Variants in ADAM18 observed in about 807,000 individuals in gnomAD.
ADAM18 encodes the protein ADAM metallopeptidase domain 18.
In ADAM18, 117 loss-of-function variants were observed where a neutral mutation model predicts 94.4. The ratio of observed to expected loss-of-function variants is 1.24; its 90% CI spans 1.07 to 1.45. The LOEUF is 1.45. Ranked by LOEUF, ADAM18 falls within the 40% of genes most tolerant of loss-of-function variation. The probability of loss-of-function intolerance (pLI) is 0.00; values close to 1 mark genes in which losing one functional copy is unlikely to be tolerated. For missense variants in ADAM18, 936 were observed against 880.0 expected (o/e 1.06, Z -0.81); for synonymous variants, 327 against 291.6 (o/e 1.12, Z -1.24).
chr8:39,712,512 T>G (rs566798141), intron 18 of ADAM18, among the ~76,000 whole-genome samples: 1 of 152,328 alleles, frequency 6.6e-6, no homozygotes, highest in Non-Finnish European at 1.5e-5. Flanking sequence ...TGTCCCTGTT[T>G]GCAGATGACA....
rs901570076 is a variant in ADAM18, at chr8:39,701,305, G to T, written c.1903-5485G>T. On this transcript the variant is annotated intron_variant, in intron 17 of 19. Transcript: ENST00000265707. ...TGTTCATTGTGGTGTATTTTTGCTT[G>T]TATTTGCTGATATATGTATTGTTCT... Among the ~76,000 whole-genome samples the T allele has an allele frequency of 2.7e-5, 4 of 150,692 alleles. No individual in the cohort carries two copies. In the South Asian group the frequency reaches 8.4e-4, roughly 32 times the overall value.
intron 18 of ADAM18, among the ~76,000 whole-genome samples, chr8:39,712,050 A>C (rs891650727): frequency 6.8e-6 from 1 of 147,592 alleles, no homozygotes; most frequent in Non-Finnish European, 1.5e-5. Flanking sequence ...CCGAGAAAAA[A>C]ACAGTGAAAG....
rs569878172 is a variant in ADAM18 at position 39,594,941 on chromosome 8, C to T, written c.132+9589C>T. Among the ~76,000 whole-genome samples the T allele has an allele frequency of 6.6e-5, 10 of 151,384 alleles. No homozygotes were observed. The East Asian group carries it at 9.7e-4, about 15-fold the overall frequency. Reference sequence around the variant, plus strand: ...TGAGTACCTTTTCAACTGTAGCCTCCGTCTCTATTTGGGATTCTAATGACA... The same window carrying T: ...TGAGTACCTTTTCAACTGTAGCCTCTGTCTCTATTTGGGATTCTAATGACA... On this transcript the variant is annotated intron_variant, in intron 2 of 19. Transcript: ENST00000265707.
chr8:39,646,870 A>G, intron 11 of ADAM18, among the ~76,000 whole-genome samples: 1 of 152,188 alleles, frequency 6.6e-6, no homozygotes, highest in East Asian at 1.9e-4. Context: ...AAAGTGCTGT[A>G]TAGAAAAATA....
intron 7 of ADAM18, among the ~76,000 whole-genome samples, chr8:39,632,839 A>G (rs1027475890): frequency 6.6e-6 from 1 of 152,198 alleles, no homozygotes; most frequent in Non-Finnish European, 1.5e-5. Flanking sequence ...CATATGATAT[A>G]CATAGGGAAG....
chr8:39,708,143 G>A (rs1456012579), intron 18 of ADAM18, among the ~76,000 whole-genome samples: 1 of 152,138 alleles, frequency 6.6e-6, no homozygotes, highest in East Asian at 1.9e-4. Flanking sequence ...CTTATGAATT[G>A]TTGATTTCTG....
intron 17 of ADAM18, among the ~76,000 whole-genome samples, chr8:39,698,704 C>T (rs1453919234): frequency 1.3e-5 from 2 of 152,020 alleles, no homozygotes; most frequent in African/African-American, 4.8e-5. Flanking sequence ...ACAAGAGAGG[C>T]TTTATAGTTT....
intron 17 of ADAM18, among the ~76,000 whole-genome samples, chr8:39,701,117 C>CA (rs71237188): frequency 0.12 from 4,274 of 34,324 alleles, 1,042 homozygotes; most frequent in East Asian, 0.54. Flanking sequence ...GACTCTGTCT[C>CA]AAAAAAAAAA....
chr8:39,614,715 C>G (rs978145479), intron 6 of ADAM18, among the ~76,000 whole-genome samples: 1 of 152,110 alleles, frequency 6.6e-6, no homozygotes, highest in Non-Finnish European at 1.5e-5. Flanking sequence ...TTCAAGGGAC[C>G]CATTTCACAT....
intron 2 of ADAM18, among the ~76,000 whole-genome samples, chr8:39,587,590 G>T (rs1415483671): frequency 1.3e-5 from 2 of 152,092 alleles, no homozygotes; most frequent in Non-Finnish European, 2.9e-5. Flanking sequence ...GATTACAGGT[G>T]CATGCCACCA....
At chr8:39,725,920 A>G (rs1444549236) in intron 19 of ADAM18, among the ~76,000 whole-genome samples, 2 of 152,112 alleles carry the variant, frequency 1.3e-5, no homozygotes, top group Non-Finnish European at 2.9e-5. Context: ...TTTATGAAGA[A>G]CCGTCATACT....
At chr8:39,591,862 A>G (rs1382608024) in intron 2 of ADAM18, among the ~76,000 whole-genome samples, 1 of 152,228 alleles carries the variant, frequency 6.6e-6, no homozygotes, top group East Asian at 1.9e-4. Context: ...AAGTAATAAG[A>G]CTTGAAAGTC....
chr8:39,684,956 C>A (rs1222473193), intron 16 of ADAM18, among the ~76,000 whole-genome samples: 3 of 152,066 alleles, frequency 2.0e-5, no homozygotes, highest in African/African-American at 7.2e-5. Flanking sequence ...GCCTGCAGCC[C>A]CCAGTCACGT....
chr8:39,611,901 T>A (rs1276810824), intron 6 of ADAM18, among the ~76,000 whole-genome samples: 1 of 152,042 alleles, frequency 6.6e-6, no homozygotes, highest in Non-Finnish European at 1.5e-5. Context: ...CAAACATTTT[T>A]AACAGACACA....
intron 9 of ADAM18, 83 bp downstream of exon 9, chr8:39,637,786 G>T: frequency 7.6e-7 from 1 of 1,311,524 alleles, no homozygotes; most frequent in Middle Eastern, 2.0e-4. Flanking sequence ...GCGTTCTTCA[G>T]TTTTTTGTAA....
intron 11 of ADAM18, among the ~76,000 whole-genome samples, chr8:39,646,372 TTAAAAACAA>T (rs1286289469): frequency 6.6e-6 from 1 of 152,128 alleles, no homozygotes; most frequent in African/African-American, 2.4e-5. Context: ...TTAAACATAA[TTAAAAACAA>T]TTAAAACAAT....
chr8:39,725,443 A>G (rs1184522068), intron 19 of ADAM18, among the ~76,000 whole-genome samples: 1 of 152,070 alleles, frequency 6.6e-6, no homozygotes, highest in Non-Finnish European at 1.5e-5. Flanking sequence ...GAGCTCCAGA[A>G]TTTATCTTGC....
intron 16 of ADAM18, among the ~76,000 whole-genome samples, chr8:39,689,676 G>A (rs1469285651): frequency 6.6e-6 from 1 of 152,108 alleles, no homozygotes; most frequent in African/African-American, 2.4e-5. Flanking sequence ...TGGCTATTCA[G>A]GCTCATTTTT....
chr8:39,729,596 G>T (rs1823016718), intron 19 of ADAM18, among the ~76,000 whole-genome samples: 1 of 151,954 alleles, frequency 6.6e-6, no homozygotes, highest in Non-Finnish European at 1.5e-5. Context: ...TTCATAGTTT[G>T]CCTGGTAAAT....
Sources: allele counts gnomAD v4.1 joint callset (sites outside exome capture counted in the v4.1 genomes callset), GRCh38; gene constraint gnomAD v4.1.1; transcripts MANE v1.5; gene names NCBI Gene and HGNC (gene_info 2026-07-23, HGNC 2026-07-21).